XPC: variants seen among roughly 807,000 people sequenced by gnomAD.
The protein encoded by XPC is XPC complex subunit, DNA damage recognition and repair factor.
Under a neutral mutation model 95.8 loss-of-function variants are expected in XPC, and 76 were observed. That is an observed-to-expected ratio of 0.79 (90% confidence interval 0.66 to 0.96). The LOEUF is 0.96. Among genes scored for constraint, XPC ranks in the 40% least tolerant of loss-of-function variants. The pLI is 0.00. For synonymous variants in XPC, 442 were observed against 442.1 expected (o/e 1.00, Z 0.00); for missense variants, 1,146 against 1,179.8 (o/e 0.97, Z 0.42).
intron 1 of XPC, among the ~76,000 whole-genome samples, chr3:14,177,813 G>T (rs775665684): frequency 1.3e-4 from 20 of 151,734 alleles, no homozygotes; most frequent in Admixed American, 9.9e-4. Context: ...TTGGACAGGG[G>T]CTGTGGTCAT....
At chr3:14,147,876 C>G (rs1695506879) in intron 14 of XPC, 32 bp downstream of exon 14, 1 of 1,558,904 alleles carries the variant, frequency 6.4e-7, no homozygotes, top group Non-Finnish European at 8.7e-7. Context: ...CTTCCCGCTT[C>G]TGCTGTCCCT....
At chr3:14,154,288 G>A in intron 10 of XPC, among the ~76,000 whole-genome samples, 1 of 152,222 alleles carries the variant, frequency 6.6e-6, no homozygotes, top group Middle Eastern at 3.4e-3. Flanking sequence ...CTGGGTATAT[G>A]CAAACAAACA....
At chr3:14,175,943 G>C (rs1696797824) in intron 1 of XPC, among the ~76,000 whole-genome samples, 1 of 152,212 alleles carries the variant, frequency 6.6e-6, no homozygotes, top group African/African-American at 2.4e-5. Context: ...CTGGCTAGCA[G>C]AATAAACTTG....
intron 7 of XPC, among the ~76,000 whole-genome samples, chr3:14,162,772 T>G (rs1267182934): frequency 2.6e-5 from 4 of 152,166 alleles, no homozygotes; most frequent in Non-Finnish European, 5.9e-5. Context: ...TAACTTGGAC[T>G]TTGTCAAAAT....
chr3:14,166,217 C>T (rs1037859498), intron 5 of XPC, among the ~76,000 whole-genome samples: 1 of 152,106 alleles, frequency 6.6e-6, no homozygotes, highest in Admixed American at 6.6e-5. Flanking sequence ...CCCCGACTAA[C>T]AGCCTCCCTA....
chr3:14,170,826 A>T (rs1330026381), intron 2 of XPC, among the ~76,000 whole-genome samples: 1 of 152,256 alleles, frequency 6.6e-6, no homozygotes, highest in Non-Finnish European at 1.5e-5. Flanking sequence ...GTGCCTGGAC[A>T]TGACAAGGAA....
Position 14,148,591 on chromosome 3 carries a change from A to G in XPC, c.2391T>C (p.Phe797=), listed in dbSNP as rs1355912345. ...DIDCVQAITG[F]DFHGGYSHPV... ...GATGGGAGTAGCCGCCATGGAAATC[A>G]AAGCCAGTGATGGCCTGGACACAGT... The change falls in exon 13 of 16, where the codon TTT becomes TTC. Residue 797 remains phenylalanine, a synonymous_variant. Transcript: ENST00000285021. 1 of 1,614,006 alleles carries G rather than the reference A, an allele frequency of 6.2e-7. No homozygotes were observed.
intron 10 of XPC, among the ~76,000 whole-genome samples, chr3:14,153,661 G>T (rs187579078): frequency 6.6e-6 from 1 of 152,260 alleles, no homozygotes; most frequent in Non-Finnish European, 1.5e-5. Context: ...GGTTAGGTTC[G>T]GCAGGTTAGG....
intron 7 of XPC, among the ~76,000 whole-genome samples, chr3:14,163,284 G>A (rs532445560): frequency 1.1e-4 from 17 of 152,284 alleles, no homozygotes; most frequent in Admixed American, 9.8e-4. Context: ...AACAGGGTAT[G>A]TAAATAAATA....
chr3:14,177,733 T>A (rs1214867806), intron 1 of XPC, among the ~76,000 whole-genome samples: 1 of 151,548 alleles, frequency 6.6e-6, no homozygotes, highest in African/African-American at 2.4e-5. Flanking sequence ...ATTATTTGGG[T>A]TGCTGGATGC....
chr3:14,169,776 C>T (rs900239195), intron 3 of XPC, among the ~76,000 whole-genome samples: 7 of 152,180 alleles, frequency 4.6e-5, no homozygotes, highest in African/African-American at 1.7e-4. Context: ...GAGAAACATA[C>T]ATTCAATGTG....
At chr3:14,176,398 T>C (rs1186280759) in intron 1 of XPC, among the ~76,000 whole-genome samples, 1 of 152,340 alleles carries the variant, frequency 6.6e-6, no homozygotes, top group African/African-American at 2.4e-5. Context: ...ACTTGATTAA[T>C]CCTTTGGAAG....
At chr3:14,160,269 G>A (rs1395282213) in intron 7 of XPC, among the ~76,000 whole-genome samples, 2 of 152,112 alleles carry the variant, frequency 1.3e-5, no homozygotes, top group Non-Finnish European at 2.9e-5. Flanking sequence ...TACCACTTTG[G>A]GAAGAAGAAG....
rs1221432541 is a variant in XPC, at chr3:14,157,953, C to A, written c.1872+58G>T. 2.0e-6 allele frequency: 3 copies of A among 1,531,654 alleles called. No individual in the cohort carries two copies. In the African/African-American group the frequency reaches 4.1e-5, roughly 21 times the overall value. The allele number at this position is 1,531,654 out of a possible 1,614,324, so 94.9% of individuals were successfully genotyped here. A position where few individuals can be genotyped will look rare whatever the true frequency, so the allele number is the denominator to read the frequency against. On this transcript the variant is annotated intron_variant, in intron 9 of 15. Coordinates refer to ENST00000285021, the MANE Select transcript of XPC (RefSeq NM_004628.5). ...TGGGCATATATAAGGTGCTCAAAAA[C>A]AGGAATAATTTTAATAACCTGACTG...
chr3:14,174,315 A>C (rs760230146), intron 1 of XPC, among the ~76,000 whole-genome samples: 1 of 152,218 alleles, frequency 6.6e-6, no homozygotes, highest in Non-Finnish European at 1.5e-5. Context: ...AGGTTGCATA[A>C]AGCTTAAGAT....
At position 14,165,514 on chromosome 3, in the gene XPC, A is replaced by G; in HGVS notation, c.693T>C (p.Ala231=). 6.2e-7 allele frequency: 1 copy of G among 1,611,194 alleles called. No individual in the cohort carries two copies. The highest frequency in any genetic ancestry group is 2.2e-5 in the East Asian group (1 of 44,810). ...NNICSQPDLH[A]IGLSIIPARF... ...GGGCTGGGATGATGGACAGGCCAAT[A>G]GCATGCAGATCTGGCTGGCTGCAGA... is the stretch of plus-strand genomic sequence containing the variant. The change falls in exon 6 of 16, where the codon GCT becomes GCC. Residue 231 remains alanine, a synonymous_variant. Transcript: ENST00000285021.
chr3:14,172,382 T>C (rs1355099387), intron 2 of XPC, among the ~76,000 whole-genome samples: 1 of 152,088 alleles, frequency 6.6e-6, no homozygotes, highest in Non-Finnish European at 1.5e-5. Flanking sequence ...GTAGGTGGTT[T>C]CAGATCTGCA....
chr3:14,169,678 T>C (rs984220945), intron 3 of XPC, among the ~76,000 whole-genome samples: 3 of 152,186 alleles, frequency 2.0e-5, no homozygotes, highest in Non-Finnish European at 2.9e-5. Flanking sequence ...GTCTAATTAT[T>C]AGGAAATGCA....
In XPC at chr3:14,145,195, C is replaced by G. The variant is rs1390626246; in HGVS notation, c.*746G>C. ...TCTCAAAATGTTATAAAAGTCATTT[C>G]TCCTTAGTACAGAGAGCTTTATACA... On this transcript the variant is annotated 3_prime_UTR_variant, in exon 16 of 16. Coordinates refer to ENST00000285021, the MANE Select transcript of XPC (RefSeq NM_004628.5). 2 of 512,120 alleles carry G rather than the reference C, an allele frequency of 3.9e-6. No homozygotes were observed. The highest frequency in any genetic ancestry group is 3.9e-5 in the African/African-American group (2 of 50,866). 31.7% of individuals were successfully genotyped at this position (512,120 alleles called of 1,614,324 possible).
Sources: gnomAD v4.1 joint callset for allele counts (sites outside exome capture counted in the v4.1 genomes callset) on GRCh38, gnomAD v4.1.1 for gene constraint, MANE v1.5 for transcripts, NCBI Gene and HGNC (gene_info 2026-07-23, HGNC 2026-07-21) for gene names.